Variants in GRM5 observed in about 807,000 individuals in gnomAD.
The protein encoded by GRM5 is glutamate metabotropic receptor 5, also known as metabotropic glutamate receptor 5.
A neutral mutation model predicts 83.1 loss-of-function variants in GRM5; 19 were observed. The ratio of observed to expected loss-of-function variants is 0.23; its 90% CI spans 0.16 to 0.34. The LOEUF (loss-of-function observed/expected upper bound fraction) is 0.34, where lower values mean the gene tolerates loss of function less well. GRM5 is among the 10% of genes least tolerant of loss of function. The pLI is 1.00. For synonymous variants in GRM5, 675 were observed against 633.6 expected (o/e 1.07, Z -0.98); for missense variants, 1,160 against 1,588.3 (o/e 0.73, Z 4.58).
intron 4 of GRM5, among the ~76,000 whole-genome samples, chr11:88,627,863 A>G (rs1428460729): frequency 1.3e-5 from 2 of 152,182 alleles, no homozygotes; most frequent in Non-Finnish European, 2.9e-5. Flanking sequence ...ATTTTTAAAT[A>G]TGGTTTTTGA....
intron 3 of GRM5, among the ~76,000 whole-genome samples, chr11:88,715,866 T>A (rs1158510655): frequency 6.6e-6 from 1 of 152,006 alleles, no homozygotes; most frequent in Admixed American, 6.6e-5. Flanking sequence ...TAACCCATGG[T>A]GTTTGCTGAA....
At chr11:89,019,140 C>T (rs1940923991) in intron 2 of GRM5, among the ~76,000 whole-genome samples, 7 of 152,044 alleles carry the variant, frequency 4.6e-5, no homozygotes, top group Admixed American at 4.6e-4. Context: ...TTGAGGAGCA[C>T]GAATCGGGTA....
At chr11:88,776,901 C>A (rs1244758326) in intron 3 of GRM5, among the ~76,000 whole-genome samples, 1 of 152,190 alleles carries the variant, frequency 6.6e-6, no homozygotes, top group Non-Finnish European at 1.5e-5. Flanking sequence ...CTTGGCAAAT[C>A]TGACAATTAT....
chr11:88,592,440 G>A (rs1937663277), intron 6 of GRM5, among the ~76,000 whole-genome samples: 1 of 152,166 alleles, frequency 6.6e-6, no homozygotes, highest in Non-Finnish European at 1.5e-5. Flanking sequence ...ACAATTATTA[G>A]ATTTTGTAAT....
intron 8 of GRM5, among the ~76,000 whole-genome samples, chr11:88,564,749 A>G (rs1421024949): frequency 1.3e-5 from 2 of 152,220 alleles, no homozygotes; most frequent in Non-Finnish European, 2.9e-5. Context: ...AGGCACAGTG[A>G]TGAGCAAGGT....
intron 6 of GRM5, among the ~76,000 whole-genome samples, chr11:88,596,544 T>A (rs559320317): frequency 6.6e-6 from 1 of 152,156 alleles, no homozygotes; most frequent in Admixed American, 6.5e-5. Context: ...TATTCACTTG[T>A]TTCTGGACAG....
chr11:88,854,195 G>A (rs1020846899), intron 2 of GRM5, among the ~76,000 whole-genome samples: 1 of 151,542 alleles, frequency 6.6e-6, no homozygotes, highest in East Asian at 1.9e-4. Context: ...GGACCTGTTA[G>A]ATAACTAACA....
intron 1 of GRM5, among the ~76,000 whole-genome samples, chr11:89,054,750 T>A (rs1329482164): frequency 6.6e-6 from 1 of 152,168 alleles, no homozygotes; most frequent in East Asian, 1.9e-4. Flanking sequence ...GAAGTATTCA[T>A]GTTGTATCAT....
At chr11:88,811,487 T>G (rs11021415) in intron 3 of GRM5, among the ~76,000 whole-genome samples, 3,869 of 152,132 alleles carry the variant, frequency 0.025, 174 homozygotes, top group African/African-American at 0.089. Context: ...TTCTTTTAGA[T>G]ACAGAAAGAA....
intron 3 of GRM5, among the ~76,000 whole-genome samples, chr11:88,662,915 C>T (rs905944428): frequency 3.3e-5 from 5 of 152,166 alleles, no homozygotes; most frequent in East Asian, 3.8e-4. Flanking sequence ...AAATGCAGTT[C>T]GCCAATACCC....
chr11:88,874,037 C>A (rs993433630), intron 2 of GRM5, among the ~76,000 whole-genome samples: 2 of 151,568 alleles, frequency 1.3e-5, no homozygotes, highest in African/African-American at 4.8e-5. Context: ...CACAGAAAAA[C>A]TGAACACCTG....
intron 4 of GRM5, among the ~76,000 whole-genome samples, chr11:88,629,622 A>G (rs1424947831): frequency 6.6e-6 from 1 of 151,986 alleles, no homozygotes; most frequent in Non-Finnish European, 1.5e-5. Context: ...CCACTTACCC[A>G]TACCACACTC....
chr11:88,527,745 GAAT>G (rs1941913069), intron 8 of GRM5, among the ~76,000 whole-genome samples: 1 of 152,086 alleles, frequency 6.6e-6, no homozygotes, highest in Admixed American at 6.6e-5. Flanking sequence ...ATACATCATA[GAAT>G]ACTATGCAGT....
At chr11:88,591,188 C>A (rs958780627) in intron 6 of GRM5, among the ~76,000 whole-genome samples, 1 of 152,162 alleles carries the variant, frequency 6.6e-6, no homozygotes, top group East Asian at 1.9e-4. Context: ...CTTCTAAAAT[C>A]TGTCCATATT....
At chr11:88,698,395 T>C (rs942604635) in intron 3 of GRM5, among the ~76,000 whole-genome samples, 7 of 152,234 alleles carry the variant, frequency 4.6e-5, no homozygotes, top group African/African-American at 1.7e-4. Context: ...AAAACATTTT[T>C]TCTACAAATT....
chr11:88,887,776 G>A (rs1296204751), intron 2 of GRM5, among the ~76,000 whole-genome samples: 1 of 152,126 alleles, frequency 6.6e-6, no homozygotes, highest in Admixed American at 6.6e-5. Flanking sequence ...GAAGCACAGG[G>A]ACTCCTCTTA....
chr11:88,727,582 A>G (rs1397116549), intron 3 of GRM5, among the ~76,000 whole-genome samples: 1 of 152,236 alleles, frequency 6.6e-6, no homozygotes, highest in Non-Finnish European at 1.5e-5. Context: ...AAGAGAATAT[A>G]CATTCTTCTC....
At chr11:88,685,531 C>A (rs950032653) in intron 3 of GRM5, among the ~76,000 whole-genome samples, 1 of 152,168 alleles carries the variant, frequency 6.6e-6, no homozygotes, top group Admixed American at 6.5e-5. Context: ...AAATGTTAAT[C>A]CCCAAGACAA....
Position 88,508,640 on chromosome 11 carries a change from ATATT to A in GRM5, c.3587_3590del (p.Lys1196MetfsTer6). ...TGTAATCTCTTATGATAAGAGTGTC[ATATT>A]TGGGAGACGACGGGATACAGAGGGC... On this transcript the variant is annotated frameshift_variant, in exon 10 of 10. Transcript: ENST00000305447. LOFTEE classifies it high-confidence loss of function. The surrounding 1 kb of genome is among the most constrained non-coding windows in gnomAD (Gnocchi z 4.2). 1 of 1,609,922 alleles carries A rather than the reference ATATT, an allele frequency of 6.2e-7. No individual in the cohort carries two copies. Among genetic ancestry groups the A allele is most frequent in the Non-Finnish European group, 8.5e-7 (1 of 1,178,232 alleles).
Sources: allele counts gnomAD v4.1 joint callset (sites outside exome capture counted in the v4.1 genomes callset), GRCh38; gene constraint gnomAD v4.1.1; non-coding constraint Gnocchi (gnomAD v3.1); transcripts MANE v1.5; gene names NCBI Gene and HGNC (gene_info 2026-07-23, HGNC 2026-07-21).